PTPRT: variants seen among roughly 807,000 people sequenced by gnomAD.
The protein encoded by PTPRT is receptor-type tyrosine-protein phosphatase T.
Under a neutral mutation model 176.8 loss-of-function variants are expected in PTPRT, and 56 were observed. The observed-to-expected ratio is 0.32, with a 90% CI of 0.26 to 0.40. The LOEUF (loss-of-function observed/expected upper bound fraction) is 0.40. Ranked by LOEUF, PTPRT falls within the 10% of genes least tolerant of loss-of-function variation. The pLI is 1.00. For missense variants in PTPRT, 1,540 were observed against 1,908.2 expected, an observed-to-expected ratio of 0.81 and a Z score of 3.60; for synonymous variants, 783 against 739.0, an observed-to-expected ratio of 1.06 and a Z score of -0.96.
intron 7 of PTPRT, among the ~76,000 whole-genome samples, chr20:42,529,735 C>G (rs367648924): frequency 6.6e-6 from 1 of 151,816 alleles, no homozygotes; most frequent in Non-Finnish European, 1.5e-5. Context: ...GATCCACTGT[C>G]CTCAGTCTCC....
At chr20:43,154,401 A>G (rs1445305768) in intron 1 of PTPRT, among the ~76,000 whole-genome samples, 4 of 152,210 alleles carry the variant, frequency 2.6e-5, no homozygotes. Context: ...TGCCAGTACC[A>G]TGCTGCTTTA....
At chr20:43,039,866 C>A (rs1986534594) in intron 1 of PTPRT, among the ~76,000 whole-genome samples, 1 of 152,076 alleles carries the variant, frequency 6.6e-6, no homozygotes. Context: ...TATGACAAAA[C>A]CCTATCTCTA....
At chr20:42,115,171 G>T in intron 22 of PTPRT, 28 bp downstream of exon 22, 1 of 1,539,880 alleles carries the variant, frequency 6.5e-7, no homozygotes, top group South Asian at 1.1e-5. Context: ...ATGGTGGACC[G>T]GCTGCCCACA....
intron 1 of PTPRT, among the ~76,000 whole-genome samples, chr20:43,128,799 G>T (rs1258673077): frequency 6.6e-6 from 1 of 152,132 alleles, no homozygotes; most frequent in Non-Finnish European, 1.5e-5. Context: ...CTGTCTGGCT[G>T]GGTTTCAAAG....
intron 6 of PTPRT, among the ~76,000 whole-genome samples, chr20:42,695,778 A>C (rs529498521): frequency 1.1e-4 from 17 of 152,340 alleles, no homozygotes; most frequent in African/African-American, 4.1e-4. Context: ...TTAGATACTT[A>C]ATATGTGACT....
At chr20:42,723,047 G>C (rs1361228542) in intron 6 of PTPRT, among the ~76,000 whole-genome samples, 1 of 152,160 alleles carries the variant, frequency 6.6e-6, no homozygotes, top group Non-Finnish European at 1.5e-5. Flanking sequence ...GTCTTCATTG[G>C]TAATAATATG....
chr20:42,865,662 C>T (rs1276106228), intron 2 of PTPRT, among the ~76,000 whole-genome samples: 1 of 152,050 alleles, frequency 6.6e-6, no homozygotes, highest in Non-Finnish European at 1.5e-5. Context: ...CAGTGGTCTC[C>T]AAGGCAAAGG....
chr20:43,030,633 T>C (rs1986104544), intron 1 of PTPRT, among the ~76,000 whole-genome samples: 1 of 152,104 alleles, frequency 6.6e-6, no homozygotes, highest in Non-Finnish European at 1.5e-5. Flanking sequence ...GGAATCAGGT[T>C]GAGAATACCG....
chr20:42,095,689 A>G (rs539720152), intron 27 of PTPRT, among the ~76,000 whole-genome samples: 1 of 152,188 alleles, frequency 6.6e-6, no homozygotes, highest in South Asian at 2.1e-4. Context: ...CACATTAGAG[A>G]ATGTGTGTTG....
At chr20:42,134,213 G>A (rs1988266129) in intron 18 of PTPRT, among the ~76,000 whole-genome samples, 1 of 152,204 alleles carries the variant, frequency 6.6e-6, no homozygotes, top group African/African-American at 2.4e-5. Context: ...CATGGAGAAA[G>A]ATGGGGCGGC....
chr20:42,255,858 C>T (rs144287331), intron 13 of PTPRT, among the ~76,000 whole-genome samples: 130 of 152,260 alleles, frequency 8.5e-4, no homozygotes, highest in African/African-American at 2.8e-3. Context: ...GAAAGCAACC[C>T]GGCTCTCAGG....
intron 1 of PTPRT, among the ~76,000 whole-genome samples, chr20:43,156,223 T>C (rs1266452144): frequency 6.6e-6 from 1 of 152,178 alleles, no homozygotes; most frequent in East Asian, 1.9e-4. Context: ...ACAGATCAAG[T>C]GGACAAGCTC....
At chr20:42,580,634 G>T (rs904907040) in intron 7 of PTPRT, among the ~76,000 whole-genome samples, 1 of 152,020 alleles carries the variant, frequency 6.6e-6, no homozygotes, top group Non-Finnish European at 1.5e-5. Flanking sequence ...TTTGTAAGTT[G>T]GATTCCTAGG....
chr20:42,550,103 G>A (rs1238599759), intron 7 of PTPRT, among the ~76,000 whole-genome samples: 1 of 152,054 alleles, frequency 6.6e-6, no homozygotes, highest in Non-Finnish European at 1.5e-5. Flanking sequence ...AATAGCTATC[G>A]CTTTGTCTTC....
chr20:42,997,680 G>A (rs554147709), intron 1 of PTPRT, among the ~76,000 whole-genome samples: 4 of 152,264 alleles, frequency 2.6e-5, no homozygotes, highest in South Asian at 2.1e-4. Context: ...GGACAGAAAC[G>A]CTGGGGAAAT....
At chr20:42,246,528 C>T (rs1347593715) in intron 14 of PTPRT, among the ~76,000 whole-genome samples, 2 of 152,146 alleles carry the variant, frequency 1.3e-5, no homozygotes, top group Non-Finnish European at 2.9e-5. Context: ...TGAAGATACT[C>T]AGAGGAGGTT....
At chr20:42,380,704 C>G (rs1329619410) in intron 9 of PTPRT, among the ~76,000 whole-genome samples, 1 of 152,176 alleles carries the variant, frequency 6.6e-6, no homozygotes, top group Non-Finnish European at 1.5e-5. Flanking sequence ...TTTTTGTTCT[C>G]CCATTGGACT....
intron 17 of PTPRT, among the ~76,000 whole-genome samples, chr20:42,152,064 T>C (rs1989157592): frequency 6.6e-6 from 1 of 152,208 alleles, no homozygotes; most frequent in South Asian, 2.1e-4. Flanking sequence ...TTGTGCACAA[T>C]CGAAGAGCAT....
intron 7 of PTPRT, among the ~76,000 whole-genome samples, chr20:42,672,772 A>G (rs1258509455): frequency 6.6e-6 from 1 of 152,164 alleles, no homozygotes; most frequent in Non-Finnish European, 1.5e-5. Flanking sequence ...TTAGTACCCC[A>G]GAATTTTCTT....
Sources: allele counts gnomAD v4.1 joint callset (sites outside exome capture counted in the v4.1 genomes callset), GRCh38; gene constraint gnomAD v4.1.1; transcripts MANE v1.5; gene names NCBI Gene and HGNC (gene_info 2026-07-23, HGNC 2026-07-21).